The following IPO13 variants were observed in gnomAD, a reference collection of about 807,000 sequenced individuals.
The protein encoded by IPO13 is importin 13, also known as importin-13.
In IPO13, 28 loss-of-function variants were observed where a neutral mutation model predicts 115.5. The observed-to-expected ratio is 0.24, with a 90% CI of 0.18 to 0.33. IPO13 has a LOEUF of 0.33. Ranked by LOEUF, IPO13 falls within the 10% of genes least tolerant of loss-of-function variation. The probability of loss-of-function intolerance (pLI) is 1.00; values close to 1 mark genes in which losing one functional copy is unlikely to be tolerated. For synonymous variants in IPO13, 414 were observed against 478.9 expected (o/e 0.86, Z 1.77); for missense variants, 785 against 1,204.6 (o/e 0.65, Z 5.16).
chr1:43,958,665 G>A lies in IPO13; in HGVS notation c.1884+70G>A. ...GCTGATGAGGGGTGAGGTTGGAGCTGGCCCTCAGAGCTGAGGCTCAGTGAT... is the reference window on the plus strand; with the variant it reads ...GCTGATGAGGGGTGAGGTTGGAGCTAGCCCTCAGAGCTGAGGCTCAGTGAT... On this transcript the variant is annotated intron_variant, in intron 10 of 19. Coordinates refer to ENST00000372343, the MANE Select transcript of IPO13 (RefSeq NM_014652.4). The surrounding 1 kb of genome is among the most constrained non-coding windows in gnomAD (Gnocchi z 6.3). 1.9e-6 allele frequency: 3 copies of A among 1,612,030 alleles called. No individual in the cohort carries two copies. Among genetic ancestry groups the A allele is most frequent in the East Asian group, 4.5e-5 (2 of 44,846 alleles).
rs367585705 is a variant in IPO13 at position 43,956,730 on chromosome 1, G to A, written c.1104+29G>A. On this transcript the variant is annotated intron_variant, in intron 4 of 19. Coordinates refer to ENST00000372343, the MANE Select transcript of IPO13 (RefSeq NM_014652.4). This position sits in a 1 kb window ranked among gnomAD's most constrained non-coding sequence, Gnocchi z 4.7. ...TGTCTGTGTGACCTCCAGTAGGACT[G>A]GGCTGTGGTGGAAGAAGGTGGATCA... The A allele has an allele frequency of 3.8e-5, 62 of 1,614,110 alleles. No individual in the cohort carries two copies. The African/African-American group carries it at 8.1e-4, about 21-fold the overall frequency.
intron 1 of IPO13, among the ~76,000 whole-genome samples, chr1:43,948,197 G>A (rs1467679750): frequency 6.6e-6 from 1 of 152,236 alleles, no homozygotes; most frequent in Non-Finnish European, 1.5e-5. Flanking sequence ...CAGGCCTGGG[G>A]CTGTCTCCCT....
At chr1:43,950,934 T>C (rs1557630473) in intron 2 of IPO13, among the ~76,000 whole-genome samples, 3 of 152,186 alleles carry the variant, frequency 2.0e-5, no homozygotes, top group African/African-American at 7.2e-5. Flanking sequence ...CTCACCTCTG[T>C]GAGGACAGGG....
chr1:43,950,074 G>A lies in IPO13; in HGVS notation c.742G>A (p.Ala248Thr). Residue 248 changes from alanine to threonine, a missense_variant, in exon 2 of 20, where the codon GCT becomes ACT. Coordinates refer to ENST00000372343, the MANE Select transcript of IPO13 (RefSeq NM_014652.4). ...TGAGGCGCTCATTCAGGCTGCCTTT[G>A]CTGCTCTGCAGGACTCGGAGCTCTT... ...DCEALIQAAF[A>T]ALQDSELFDS... is the part of the protein sequence containing the mutation. The A allele has an allele frequency of 6.2e-7, 1 of 1,613,888 alleles. No individual in the cohort carries two copies. Among genetic ancestry groups the A allele is most frequent in the Non-Finnish European group, 8.5e-7 (1 of 1,180,004 alleles).
chr1:43,963,190 G>A (rs980725241), intron 14 of IPO13, among the ~76,000 whole-genome samples: 13 of 152,170 alleles, frequency 8.5e-5, no homozygotes, highest in Admixed American at 2.6e-4. Flanking sequence ...TGTGGCTTGC[G>A]CAAGATCACA....
At chr1:43,962,093 G>A (rs2085294299) in intron 14 of IPO13, among the ~76,000 whole-genome samples, 3 of 152,108 alleles carry the variant, frequency 2.0e-5, no homozygotes, top group Admixed American at 2.0e-4. Context: ...GGTGCCCAGA[G>A]TACTCGCAGC....
Position 43,967,331 on chromosome 1 carries a change from C to G in IPO13, c.2630C>G (p.Ala877Gly), listed in dbSNP as rs758365249. 1 of 1,613,364 alleles carries G rather than the reference C, an allele frequency of 6.2e-7. No homozygotes were observed. The highest frequency in any genetic ancestry group is 8.5e-7 in the Non-Finnish European group (1 of 1,179,466). ...IAVLEAIGGQASRSLMDCFAD... is the reference protein window; with the variant it reads ...IAVLEAIGGQGSRSLMDCFAD... The stretch of plus-strand genomic sequence containing the variant: ...CTCCCTCAGGCCATTGGGGGCCAGG[C>G]CTCCCGCAGCCTCATGGACTGCTTT... Residue 877 changes from alanine (A) to glycine (G), a missense_variant, in exon 19 of 20, where the codon GCC becomes GGC. By Grantham distance (60) the Ala-to-Gly change is moderately conservative. Around this residue, in one of 3 missense-constraint regions of IPO13, gnomAD observed 285 missense variants for 394.8 expected, o/e 0.72. Coordinates refer to ENST00000372343, the MANE Select transcript of IPO13 (RefSeq NM_014652.4). This position sits in a 1 kb window ranked among gnomAD's most constrained non-coding sequence, Gnocchi z 6.1.
chr1:43,946,990 GCGGGGCTGTAGC>G lies in IPO13; in HGVS notation c.-606_-595del. ...CACTGGGGCGGAGGCAGCGGCTGTA[GCGGGGCTGTAGC>G]CGGGCGTTGAGCACAGCGCGGGCCA... is the stretch of plus-strand genomic sequence containing the variant. On this transcript the variant is annotated 5_prime_UTR_variant, in exon 1 of 20. Transcript: ENST00000372343. 5.0e-6 allele frequency: 2 copies of G among 398,730 alleles called. No homozygotes were observed. The highest frequency in any genetic ancestry group is 8.8e-6 in the Non-Finnish European group (2 of 226,164). 24.7% of individuals were successfully genotyped at this position (398,730 alleles called of 1,614,324 possible).
chr1:43,949,291 C>T, intron 1 of IPO13, 126 bp from the exon 2 acceptor site: 1 of 995,870 alleles, frequency 1.0e-6, no homozygotes, highest in Non-Finnish European at 1.4e-6. Context: ...GAGCGCTGAG[C>T]TCTCCCTGCT....
intron 2 of IPO13, among the ~76,000 whole-genome samples, chr1:43,954,939 C>CT (rs2085233967): frequency 6.6e-6 from 1 of 152,342 alleles, no homozygotes; most frequent in South Asian, 2.1e-4. Context: ...ATCAACTTGT[C>CT]TAAGACTGAG....
rs759153821 is a variant in IPO13 at position 43,960,874 on chromosome 1, A to AG, written c.2110dup. 6.2e-7 allele frequency: 1 copy of AG among 1,614,088 alleles called. No individual in the cohort carries two copies. Among genetic ancestry groups the AG allele is most frequent in the South Asian group, 1.1e-5 (1 of 91,082 alleles). On this transcript the variant is annotated splice_acceptor_variant, in intron 12 of 19. Coordinates refer to ENST00000372343, the MANE Select transcript of IPO13 (RefSeq NM_014652.4). LOFTEE classifies it high-confidence loss of function. ...CCAGGGCCCCTTTGCTTTCTTCCCA[A>AG]GGCGGTGTGCGCTATCTTTGAGAAG... is the stretch of plus-strand genomic sequence containing the variant.
chr1:43,958,440 C>T lies in IPO13; in HGVS notation c.1750-21C>T, dbSNP rs1045404962. 1 of 1,613,630 alleles carries T rather than the reference C, an allele frequency of 6.2e-7. No individual in the cohort carries two copies. Among genetic ancestry groups the T allele is most frequent in the African/African-American group, 1.3e-5 (1 of 74,876 alleles). ...ACAACTAGATGTGGCCAGGACTGAC[C>T]ATCCATGTTCTGCCCCACAGACAAG... On this transcript the variant is annotated intron_variant, in intron 9 of 19. Transcript: ENST00000372343. The surrounding 1 kb of genome is among the most constrained non-coding windows in gnomAD (Gnocchi z 6.3).
rs545240565 is a variant in IPO13 at position 43,962,377 on chromosome 1, A to G, written c.2344+1115A>G. On this transcript the variant is annotated intron_variant, in intron 14 of 19. Transcript: ENST00000372343. ...CAACCTTCTAGTGGGTTTTCTTGGC[A>G]TCTCCCCTTCTCTCCAATCTGTTCT... Among the ~76,000 whole-genome samples, 66 of 152,108 alleles carry G rather than the reference A, an allele frequency of 4.3e-4. 1 individual carries two copies. The South Asian group carries it at 0.012, about 29-fold the overall frequency.
intron 14 of IPO13, 99 bp downstream of exon 14, chr1:43,961,361 C>A: frequency 4.2e-6 from 4 of 951,088 alleles, no homozygotes; most frequent in Non-Finnish European, 5.2e-6. Context: ...TTCTCTGTCC[C>A]CTGAGTCACA....
chr1:43,956,965 C>G lies in IPO13; in HGVS notation c.1260C>G (p.Phe420Leu). Residue 420 changes from phenylalanine to leucine, a missense_variant, in exon 5 of 20, where the codon TTC (phenylalanine) becomes TTG (leucine). Around this residue, in one of 3 missense-constraint regions of IPO13, gnomAD observed 175 missense variants for 360.0 expected, o/e 0.49. Transcript: ENST00000372343. This position sits in a 1 kb window ranked among gnomAD's most constrained non-coding sequence, Gnocchi z 4.7. The stretch of plus-strand genomic sequence containing the variant: ...GGTCCTCAGACGAGAAGGAGCAGTT[C>G]CGAATTTACAGGTGATGGTAGCAGG... ...GFWSSDEKEQ[F>L]RIYRVDISDT... 2 of 1,614,024 alleles carry G rather than the reference C, an allele frequency of 1.2e-6. No individual in the cohort carries two copies. Among genetic ancestry groups the G allele is most frequent in the Non-Finnish European group, 1.7e-6 (2 of 1,179,982 alleles).
chr1:43,953,048 C>T (rs532530732), intron 2 of IPO13, among the ~76,000 whole-genome samples: 3 of 152,342 alleles, frequency 2.0e-5, no homozygotes, highest in Admixed American at 6.5e-5. Context: ...CAAGTTTACC[C>T]GCCCAGCCAG....
chr1:43,960,770 G>A, intron 12 of IPO13, 106 bp from the exon 13 acceptor site: 1 of 1,426,880 alleles, frequency 7.0e-7, no homozygotes, highest in Non-Finnish European at 9.5e-7. Flanking sequence ...GGCCAGGCAA[G>A]GCTTATAGGT....
At chr1:43,948,652 C>A (rs1202305402) in intron 1 of IPO13, among the ~76,000 whole-genome samples, 2 of 152,238 alleles carry the variant, frequency 1.3e-5, no homozygotes, top group South Asian at 4.1e-4. Context: ...CCCCTTGGAG[C>A]AGGGCAGTGT....
In IPO13 at chr1:43,967,843, G is replaced by C; in HGVS notation, c.*161G>C. The C allele has an allele frequency of 1.5e-6, 1 of 684,984 alleles. No individual in the cohort carries two copies. Among genetic ancestry groups the C allele is most frequent in the Non-Finnish European group, 2.5e-6 (1 of 395,348 alleles). 42.4% of individuals were successfully genotyped at this position (684,984 alleles called of 1,614,324 possible). On this transcript the variant is annotated 3_prime_UTR_variant, in exon 20 of 20. Transcript: ENST00000372343. This position sits in a 1 kb window ranked among gnomAD's most constrained non-coding sequence, Gnocchi z 6.1. ...TGGGGGAAGGATGGGAGGATGCTTG[G>C]ACCCAGGCCTTGGGAGGGAATGGTG... is the stretch of plus-strand genomic sequence containing the variant.
Sources: gnomAD v4.1 joint callset for allele counts (sites outside exome capture counted in the v4.1 genomes callset) on GRCh38, gnomAD v4.1.1 for gene constraint, gnomAD v4.1.1 regional missense constraint, Gnocchi (gnomAD v3.1) non-coding constraint, MANE v1.5 for transcripts, NCBI Gene and HGNC (gene_info 2026-07-23, HGNC 2026-07-21) for gene names.